CHD1L: variants seen among roughly 807,000 people sequenced by gnomAD.
CHD1L encodes the protein ATP-dependent chromatin remodeler CHD1L.
Under a neutral mutation model 115.9 loss-of-function variants are expected in CHD1L, and 118 were observed. The ratio of observed to expected loss-of-function variants is 1.02; its 90% confidence interval spans 0.88 to 1.19. The LOEUF is 1.19. Among genes scored for constraint, CHD1L ranks in the 50% most tolerant of loss-of-function variants. CHD1L has a pLI of 0.00. For missense variants in CHD1L, 1,179 were observed against 1,065.3 expected (o/e 1.11, Z -1.49); for synonymous variants, 411 against 387.1 (o/e 1.06, Z -0.72).
At chr1:147,256,769 A>G (rs1278548922) in intron 5 of CHD1L, among the ~76,000 whole-genome samples, 1 of 152,168 alleles carries the variant, frequency 6.6e-6, no homozygotes, top group South Asian at 2.1e-4. Context: ...TTTAATCTCC[A>G]TGAACTTCAG....
At position 147,289,959 on chromosome 1, in the gene CHD1L, C is replaced by T. The variant is rs78958670; in HGVS notation, c.2321-1523C>T. 2.6e-3 allele frequency among the ~76,000 whole-genome samples: 397 copies of T among 152,242 alleles called. 2 individuals are homozygous for T. Among genetic ancestry groups the T allele is most frequent in the African/African-American group, 9.2e-3 (382 of 41,528 alleles). Reference sequence around the variant, plus strand: ...TCTAATGGAATGGGTAATAGCTGGTCGTTTTGGGGGATTTGATCAAAAGGA... The same window carrying T: ...TCTAATGGAATGGGTAATAGCTGGTTGTTTTGGGGGATTTGATCAAAAGGA... On this transcript the variant is annotated intron_variant, in intron 19 of 22. Transcript: ENST00000369258.
At chr1:147,178,107 C>T in the CHD1L span, 4 of 1,563,264 alleles carry the variant, frequency 2.6e-6, no homozygotes, top group Non-Finnish European at 3.5e-6. Flanking sequence ...CACCCCACCT[C>T]GCCGCCATGT....
At chr1:147,186,704 G>T in the CHD1L span, 3 of 1,404,568 alleles carry the variant, frequency 2.1e-6, no homozygotes, top group Admixed American at 6.1e-5. Flanking sequence ...GACGGATCAT[G>T]AGTGGAAGGG....
chr1:147,193,648 C>T, the CHD1L span, among the ~76,000 whole-genome samples: 3 of 152,238 alleles, frequency 2.0e-5, no homozygotes, highest in South Asian at 6.2e-4. Context: ...GCATTTAGTG[C>T]TATAAATTTC....
intron 1 of CHD1L, among the ~76,000 whole-genome samples, chr1:147,251,015 T>C (rs1668243179): frequency 6.6e-6 from 1 of 152,220 alleles, no homozygotes; most frequent in Non-Finnish European, 1.5e-5. Context: ...CCTGCTGCCA[T>C]GTAAGATGTG....
the CHD1L span, chr1:147,187,175 C>A: frequency 6.2e-7 from 1 of 1,613,996 alleles, no homozygotes; most frequent in Admixed American, 1.7e-5. Flanking sequence ...CTGACCCCCA[C>A]CAAATCAGCA....
At chr1:147,240,657 G>A (rs1198050468), upstream of CHD1L, among the ~76,000 whole-genome samples, 1 of 152,218 alleles carries the variant, frequency 6.6e-6, no homozygotes, top group Admixed American at 6.5e-5. Flanking sequence ...TCCATTGACT[G>A]AGATAGGAGA....
chr1:147,190,637 A>G, the CHD1L span, among the ~76,000 whole-genome samples: 1 of 152,292 alleles, frequency 6.6e-6, no homozygotes, highest in South Asian at 2.1e-4. Flanking sequence ...TCTTGATAAC[A>G]AAGGGACCTT....
chr1:147,272,631 G>A (rs1676680258), intron 12 of CHD1L, among the ~76,000 whole-genome samples: 1 of 152,208 alleles, frequency 6.6e-6, no homozygotes, highest in Non-Finnish European at 1.5e-5. Flanking sequence ...GGGAAATAAG[G>A]TAACAGTTTG....
At chr1:147,268,990 A>C in intron 10 of CHD1L, 112 bp downstream of exon 10, 1 of 654,402 alleles carries the variant, frequency 1.5e-6, no homozygotes, top group South Asian at 1.9e-5. Context: ...TTTTCTTAAC[A>C]CTGATTCAGG....
the CHD1L span, chr1:147,186,700 T>G: frequency 7.1e-6 from 10 of 1,399,606 alleles, no homozygotes; most frequent in Non-Finnish European, 9.2e-6. Flanking sequence ...GAGTGACGGA[T>G]CATGAGTGGA....
Position 147,253,340 on chromosome 1 carries a change from T to A in CHD1L, c.240+605T>A, listed in dbSNP as rs184149917. On this transcript the variant is annotated intron_variant, in intron 2 of 22. Transcript: ENST00000369258. ...CCTCAGGGAAAGCTAGACTGAATGG[T>A]TTTAATTCAATAAGCCACTTATTAA... Among the ~76,000 whole-genome samples the A allele has an allele frequency of 1.9e-3, 295 of 152,286 alleles. 3 individuals carry two copies. The East Asian group carries it at 0.025, about 13-fold the overall frequency.
chr1:147,184,395 A>G, the CHD1L span: 6 of 1,278,356 alleles, frequency 4.7e-6, no homozygotes, highest in Non-Finnish European at 6.1e-6. The surrounding 1 kb of genome is among the most constrained non-coding windows in gnomAD (Gnocchi z 4.4). Context: ...TACATTATTA[A>G]CCAAAATGCA....
At chr1:147,203,515 G>A in the CHD1L span, 4 of 876,156 alleles carry the variant, frequency 4.6e-6, no homozygotes, top group Admixed American at 3.4e-5. Flanking sequence ...TTGAGGTACT[G>A]CATAAAGTTT....
the CHD1L span, among the ~76,000 whole-genome samples, chr1:147,198,815 C>T: frequency 1.5e-5 from 2 of 133,380 alleles, no homozygotes; most frequent in African/African-American, 5.6e-5. Flanking sequence ...AGCGCCACTG[C>T]ACTCCAGCCT....
the CHD1L span, among the ~76,000 whole-genome samples, chr1:147,194,101 G>A: frequency 6.6e-6 from 1 of 152,184 alleles, no homozygotes; most frequent in African/African-American, 2.4e-5. Flanking sequence ...AATGTTGACA[G>A]TGGGGTGTTA....
At chr1:147,217,370 G>A in the CHD1L span, among the ~76,000 whole-genome samples, 452 of 152,148 alleles carry the variant, frequency 3.0e-3, 1 homozygote, top group Non-Finnish European at 5.0e-3. Context: ...CAAATGAGGA[G>A]TTTTCAAATT....
At chr1:147,232,722 A>G in the CHD1L span, among the ~76,000 whole-genome samples, 1 of 152,134 alleles carries the variant, frequency 6.6e-6, no homozygotes, top group African/African-American at 2.4e-5. Flanking sequence ...GCTGGTCTCC[A>G]GCTCCTAACC....
intron 2 of CHD1L, 126 bp downstream of exon 2, chr1:147,252,861 A>C: frequency 4.0e-6 from 3 of 753,074 alleles, no homozygotes; most frequent in Non-Finnish European, 6.5e-6. Flanking sequence ...GATCCAGGCT[A>C]ACTGGCTCTT....
Sources: gnomAD v4.1 joint callset for allele counts (sites outside exome capture counted in the v4.1 genomes callset) on GRCh38, gnomAD v4.1.1 for gene constraint, Gnocchi (gnomAD v3.1) non-coding constraint, MANE v1.5 for transcripts, NCBI Gene and HGNC (gene_info 2026-07-23, HGNC 2026-07-21) for gene names.